The following COL4A2 variants were observed in gnomAD, a reference collection of about 807,000 sequenced individuals.
The protein encoded by COL4A2 is collagen alpha-2(IV) chain.
In COL4A2, 99 loss-of-function variants were observed where a neutral mutation model predicts 200.2. The ratio of observed to expected loss-of-function variants is 0.49; its 90% CI spans 0.42 to 0.58. The LOEUF is 0.58. COL4A2 is among the 20% of genes least tolerant of loss of function. The pLI, the probability that COL4A2 is intolerant of heterozygous loss-of-function variation, is 0.00. For missense variants in COL4A2, 1,950 were observed against 2,314.1 expected, an observed-to-expected ratio of 0.84 and a Z score of 3.23; for synonymous variants, 897 against 900.6, an observed-to-expected ratio of 1.00 and a Z score of 0.07.
rs384987 is a variant in COL4A2 at position 110,491,386 on chromosome 13, G to A, written c.3454+46G>A. The A allele has an allele frequency of 1.0e-3, 1,331 of 1,307,388 alleles. 11 individuals are homozygous for A. In the African/African-American group the frequency reaches 0.017, roughly 16 times the overall value. The allele number at this position is 1,307,388 out of a possible 1,614,324, so 81.0% of individuals were successfully genotyped here. On this transcript the variant is annotated intron_variant, in intron 37 of 47. Coordinates refer to ENST00000360467, the MANE Select transcript of COL4A2 (RefSeq NM_001846.4). ...ACAGCCTTCCTCAGGCAGGCCCTCC[G>A]GAGACCCCAGAACAAAGGCGGTCAA...
At chr13:110,438,784 T>G in intron 15 of COL4A2, 116 bp downstream of exon 15, 1 of 1,218,952 alleles carries the variant, frequency 8.2e-7, no homozygotes, top group Non-Finnish European at 1.2e-6. Flanking sequence ...GTATAGAGAT[T>G]TCCCGTTATT....
intron 40 of COL4A2, among the ~76,000 whole-genome samples, chr13:110,497,677 A>G (rs76684639): frequency 2.9e-5 from 4 of 137,984 alleles, no homozygotes; most frequent in African/African-American, 1.1e-4. Context: ...ATTTAGGTCA[A>G]TCCACTAGCA....
chr13:110,486,948 G>T (rs528060365), intron 34 of COL4A2, among the ~76,000 whole-genome samples: 6 of 152,202 alleles, frequency 3.9e-5, no homozygotes, highest in Admixed American at 6.5e-5. Context: ...GGATGTGTAC[G>T]TGCAGGTCAC....
chr13:110,414,345 A>C (rs1429850198), intron 4 of COL4A2, among the ~76,000 whole-genome samples: 2 of 152,236 alleles, frequency 1.3e-5, no homozygotes, highest in Non-Finnish European at 2.9e-5. Context: ...AAAAAGAAAA[A>C]TACATATATA....
chr13:110,428,039 C>G (rs918435146), intron 6 of COL4A2, among the ~76,000 whole-genome samples: 3 of 152,214 alleles, frequency 2.0e-5, no homozygotes, highest in Admixed American at 2.0e-4. Flanking sequence ...CTTCTAAAAT[C>G]TTTCCTAGAA....
chr13:110,454,609 C>T (rs973474010), intron 20 of COL4A2, among the ~76,000 whole-genome samples: 3 of 152,124 alleles, frequency 2.0e-5, no homozygotes, highest in South Asian at 2.1e-4. Flanking sequence ...GTGCGGGGTG[C>T]GGCCGCCTCT....
intron 4 of COL4A2, among the ~76,000 whole-genome samples, chr13:110,418,445 A>C (rs2139447529): frequency 6.6e-6 from 1 of 152,370 alleles, no homozygotes; most frequent in South Asian, 2.1e-4. Context: ...AAAGTCACAA[A>C]GATTTTCCCC....
At chr13:110,490,233 G>A (rs374694220) in intron 36 of COL4A2, among the ~76,000 whole-genome samples, 2 of 152,274 alleles carry the variant, frequency 1.3e-5, no homozygotes, top group East Asian at 1.9e-4. Context: ...CAGCCCGAGC[G>A]AGTTGTGGGG....
At chr13:110,427,402 A>C (rs1594208057) in intron 6 of COL4A2, among the ~76,000 whole-genome samples, 1 of 152,178 alleles carries the variant, frequency 6.6e-6, no homozygotes, top group African/African-American at 2.4e-5. Flanking sequence ...CACCTGCCTC[A>C]GCCTCCCAAA....
chr13:110,464,865 C>G (rs955188051), intron 24 of COL4A2, among the ~76,000 whole-genome samples: 6 of 152,206 alleles, frequency 3.9e-5, no homozygotes, highest in East Asian at 1.9e-4. Flanking sequence ...CCAGCTCCCC[C>G]CCGCACCCTG....
At chr13:110,345,240 C>A (rs1023622859) in intron 3 of COL4A2, among the ~76,000 whole-genome samples, 3 of 152,144 alleles carry the variant, frequency 2.0e-5, no homozygotes, top group African/African-American at 7.2e-5. Context: ...AACGCAAGTT[C>A]TTTGCGAGGA....
At chr13:110,468,282 AGCTTGTATCTTCC>A (rs1445724199) in intron 27 of COL4A2, 1 of 471,564 alleles carries the variant, frequency 2.1e-6, no homozygotes, top group Non-Finnish European at 4.4e-6. Context: ...CTGAGAACTG[AGCTTGTATCTTCC>A]GCGTTCCATT....
chr13:110,448,729 T>A (rs1184227798), intron 18 of COL4A2, among the ~76,000 whole-genome samples: 1 of 152,184 alleles, frequency 6.6e-6, no homozygotes, highest in East Asian at 1.9e-4. Flanking sequence ...CAACAATGGC[T>A]AACAGGAGTG....
chr13:110,462,491 TG>T, intron 24 of COL4A2, 107 bp downstream of exon 24: 1 of 1,030,434 alleles, frequency 9.7e-7, no homozygotes, highest in Non-Finnish European at 1.4e-6. Context: ...AACCAACCTG[TG>T]CATAGGACAG....
Position 110,504,177 on chromosome 13 carries a change from C to A in COL4A2, c.4315C>A (p.Pro1439Thr), listed in dbSNP as rs1379081692. The A allele has an allele frequency of 6.2e-7, 1 of 1,613,904 alleles. No individual in the cohort carries two copies. The highest frequency in any genetic ancestry group is 1.1e-5 in the South Asian group (1 of 91,068). ...CCGTGGGGCTCCAGGGAAAGCTGGG[C>A]CCCAAGGAAGAGGTGGTGTGTCTGC... ...GFRGAPGKAG[P>T]QGRGGVSAVP... Residue 1439 changes from proline (P) to threonine (T), a missense_variant, in exon 45 of 48, where the codon CCC (proline) becomes ACC (threonine). Physicochemically the swap from Pro to Thr is conservative, Grantham distance 38. This residue lies in a region of COL4A2 where 1,385 missense variants were observed against 1,720.5 expected (regional missense o/e 0.80). Transcript: ENST00000360467.
chr13:110,416,890 C>T (rs942601653), intron 4 of COL4A2, among the ~76,000 whole-genome samples: 7 of 152,154 alleles, frequency 4.6e-5, no homozygotes, highest in African/African-American at 7.2e-5. Flanking sequence ...AGACAGTTTT[C>T]GAAATTTCTG....
intron 29 of COL4A2, 29 bp from the exon 30 acceptor site, chr13:110,477,974 C>A: frequency 6.6e-7 from 1 of 1,517,884 alleles, no homozygotes. Context: ...AGAGTTGGCC[C>A]CCACAGCTCT....
chr13:110,483,503 C>T (rs1016163123), intron 32 of COL4A2, among the ~76,000 whole-genome samples: 1 of 152,238 alleles, frequency 6.6e-6, no homozygotes, highest in Admixed American at 6.5e-5. Flanking sequence ...GAAAATGCAT[C>T]GACTGATGAA....
rs574321507 is a variant in COL4A2, at chr13:110,441,861, A to G, written c.957+2028A>G. 2.1e-4 allele frequency among the ~76,000 whole-genome samples: 32 copies of G among 151,852 alleles called. No individual in the cohort carries two copies. In the South Asian group the frequency reaches 6.3e-3, roughly 30 times the overall value. On this transcript the variant is annotated intron_variant, in intron 16 of 47. Transcript: ENST00000360467. The stretch of plus-strand genomic sequence containing the variant: ...TTTGGGAGGCCAAGGTGAGTGGATC[A>G]TAGAGGTCAGGAGTTCAAGACCAAC...
Sources: gnomAD v4.1 joint callset for allele counts (sites outside exome capture counted in the v4.1 genomes callset) on GRCh38, gnomAD v4.1.1 for gene constraint, gnomAD v4.1.1 regional missense constraint, MANE v1.5 for transcripts, NCBI Gene and HGNC (gene_info 2026-07-23, HGNC 2026-07-21) for gene names.